Variants in NEK11 observed in about 807,000 individuals in gnomAD.
NEK11 encodes the protein NIMA related kinase 11, also known as serine/threonine-protein kinase Nek11.
A neutral mutation model predicts 80.7 loss-of-function variants in NEK11; 72 were observed. That is an observed-to-expected ratio of 0.89 (90% confidence interval 0.74 to 1.08). The LOEUF (loss-of-function observed/expected upper bound fraction) is 1.08, where lower values mean the gene tolerates loss of function less well. NEK11 is among the 50% of genes least tolerant of loss of function. The pLI is 0.00. For synonymous variants in NEK11, 251 were observed against 260.7 expected (o/e 0.96, Z 0.36); for missense variants, 764 against 763.6 (o/e 1.00, Z -0.01).
chr3:131,344,164 C>T (rs1304627925), intron 17 of NEK11, among the ~76,000 whole-genome samples: 1 of 152,168 alleles, frequency 6.6e-6, no homozygotes, highest in African/African-American at 2.4e-5. Context: ...GCAGCCAGGA[C>T]ACATCTTGAA....
At chr3:131,143,686 A>C (rs1362656527) in intron 7 of NEK11, among the ~76,000 whole-genome samples, 1 of 152,064 alleles carries the variant, frequency 6.6e-6, no homozygotes, top group African/African-American at 2.4e-5. Context: ...TTTTGAGATA[A>C]GGTAGGTCAT....
chr3:131,160,994 C>A (rs982907559), intron 10 of NEK11, among the ~76,000 whole-genome samples: 2 of 151,950 alleles, frequency 1.3e-5, no homozygotes, highest in African/African-American at 4.8e-5. Flanking sequence ...ACCATCCTGG[C>A]CAACACGGTG....
chr3:131,108,823 T>A (rs1468995586), intron 4 of NEK11, among the ~76,000 whole-genome samples: 1 of 151,938 alleles, frequency 6.6e-6, no homozygotes, highest in African/African-American at 2.4e-5. Context: ...TATAGCTACG[T>A]AGAGGAAAGG....
At chr3:131,070,024 A>C (rs888517678) in intron 3 of NEK11, among the ~76,000 whole-genome samples, 1 of 152,244 alleles carries the variant, frequency 6.6e-6, no homozygotes, top group Non-Finnish European at 1.5e-5. Flanking sequence ...AGAATATTGC[A>C]TTTTGAATAT....
intron 16 of NEK11, among the ~76,000 whole-genome samples, chr3:131,245,363 G>A (rs2095584408): frequency 6.6e-6 from 1 of 150,794 alleles, no homozygotes; most frequent in African/African-American, 2.5e-5. Flanking sequence ...GGACACTTAG[G>A]TTGGTTCCAT....
intron 7 of NEK11, among the ~76,000 whole-genome samples, chr3:131,146,858 T>G (rs2088439614): frequency 6.6e-6 from 1 of 152,108 alleles, no homozygotes; most frequent in Admixed American, 6.6e-5. Flanking sequence ...TTCAAGTCTT[T>G]TGCCCATTTT....
At chr3:131,245,118 G>A (rs1037632520) in intron 16 of NEK11, among the ~76,000 whole-genome samples, 4 of 151,812 alleles carry the variant, frequency 2.6e-5, no homozygotes, top group African/African-American at 9.7e-5. Context: ...AGTCTCCAAC[G>A]TCCGTTACTC....
intron 17 of NEK11, among the ~76,000 whole-genome samples, chr3:131,332,765 TG>T (rs1447196703): frequency 6.6e-6 from 1 of 152,068 alleles, no homozygotes; most frequent in Non-Finnish European, 1.5e-5. Flanking sequence ...TACAGAGAAG[TG>T]CTTAAAGGAG....
intron 5 of NEK11, among the ~76,000 whole-genome samples, chr3:131,113,036 C>A (rs2080386998): frequency 6.6e-6 from 1 of 152,002 alleles, no homozygotes; most frequent in African/African-American, 2.4e-5. Flanking sequence ...TTATAATATC[C>A]ATGCATGAGA....
intron 3 of NEK11, among the ~76,000 whole-genome samples, chr3:131,057,407 A>G (rs2069773224): frequency 6.6e-6 from 1 of 152,030 alleles, no homozygotes; most frequent in Non-Finnish European, 1.5e-5. Flanking sequence ...ATACCCAGTA[A>G]TGGGATGGCT....
At chr3:131,308,303 A>C (rs1040581170) in intron 17 of NEK11, among the ~76,000 whole-genome samples, 4 of 152,248 alleles carry the variant, frequency 2.6e-5, no homozygotes, top group African/African-American at 7.2e-5. Context: ...TTTAGGCAGT[A>C]GAATCTTACC....
chr3:131,078,204 T>A (rs2074685106), intron 3 of NEK11, among the ~76,000 whole-genome samples: 1 of 152,144 alleles, frequency 6.6e-6, no homozygotes, highest in African/African-American at 2.4e-5. Flanking sequence ...ATATTTAAAG[T>A]GAATAAAATA....
intron 3 of NEK11, among the ~76,000 whole-genome samples, chr3:131,034,676 C>T (rs1324581576): frequency 1.3e-5 from 2 of 152,158 alleles, no homozygotes; most frequent in Non-Finnish European, 2.9e-5. Flanking sequence ...CGTGAGCCAC[C>T]GCGCCCGGCC....
At chr3:131,086,329 C>T (rs1412886057) in intron 4 of NEK11, among the ~76,000 whole-genome samples, 1 of 152,102 alleles carries the variant, frequency 6.6e-6, no homozygotes, top group Non-Finnish European at 1.5e-5. Context: ...ACTCTCTATT[C>T]TTTACCTAAT....
intron 17 of NEK11, among the ~76,000 whole-genome samples, chr3:131,308,899 C>A (rs2096749276): frequency 6.6e-6 from 1 of 152,160 alleles, no homozygotes; most frequent in Admixed American, 6.5e-5. Context: ...TCTCAGACCA[C>A]CAGGTATTAG....
At chr3:131,268,043 C>T (rs781510159) in intron 16 of NEK11, among the ~76,000 whole-genome samples, 10 of 152,132 alleles carry the variant, frequency 6.6e-5, no homozygotes, top group Non-Finnish European at 1.3e-4. Context: ...GATATCCTTT[C>T]TTCCACTTGA....
At chr3:131,171,701 A>G (rs1224585328) in intron 14 of NEK11, among the ~76,000 whole-genome samples, 1 of 152,206 alleles carries the variant, frequency 6.6e-6, no homozygotes, top group Non-Finnish European at 1.5e-5. Context: ...AGTGCCCAGC[A>G]CACAGTAAGT....
intron 14 of NEK11, among the ~76,000 whole-genome samples, chr3:131,202,077 C>T (rs372344133): frequency 1.1e-4 from 16 of 152,122 alleles, no homozygotes; most frequent in Non-Finnish European, 1.5e-5. Context: ...TCATGATCCA[C>T]CCACCTTGGA....
chr3:131,207,062 A>G (rs1179738005), intron 14 of NEK11, among the ~76,000 whole-genome samples: 3 of 152,152 alleles, frequency 2.0e-5, no homozygotes, highest in Admixed American at 6.5e-5. Context: ...AATCCAGTCT[A>G]TCATTGATGG....
Sources: gnomAD v4.1 joint callset for allele counts (sites outside exome capture counted in the v4.1 genomes callset) on GRCh38, gnomAD v4.1.1 for gene constraint, MANE v1.5 for transcripts, NCBI Gene and HGNC (gene_info 2026-07-23, HGNC 2026-07-21) for gene names.